The following TEX2 variants were observed in gnomAD, a reference collection of about 807,000 sequenced individuals.
TEX2 encodes the protein testis expressed 2.
A neutral mutation model predicts 106.9 loss-of-function variants in TEX2; 53 were observed. The ratio of observed to expected loss-of-function variants is 0.50; its 90% CI spans 0.40 to 0.62. The LOEUF (loss-of-function observed/expected upper bound fraction) is 0.62. Among genes scored for constraint, TEX2 ranks in the 20% least tolerant of loss-of-function variants. The pLI, the probability that TEX2 is intolerant of heterozygous loss-of-function variation, is 0.00. For missense variants in TEX2, 1,207 were observed against 1,379.0 expected (o/e 0.88, Z 1.98); for synonymous variants, 523 against 534.8 (o/e 0.98, Z 0.30).
In TEX2 at chr17:64,149,106, TAAAG is replaced by T. The variant is rs2030210574; in HGVS notation, c.3262-19_3262-16del. ...ACAAAAACTTTCTGTAGGAAGATAT[TAAAG>T]AACAGCTATGTGGAAGAATGCCTTG... is the stretch of plus-strand genomic sequence containing the variant. On this transcript the variant is annotated splice_polypyrimidine_tract_variant and intron_variant, in intron 11 of 11. Transcript: ENST00000584379. 1 of 1,613,276 alleles carries T rather than the reference TAAAG, an allele frequency of 6.2e-7. No homozygotes were observed. Among genetic ancestry groups the T allele is most frequent in the Non-Finnish European group, 8.5e-7 (1 of 1,179,446 alleles).
At chr17:64,183,058 A>G (rs1394497637) in intron 5 of TEX2, among the ~76,000 whole-genome samples, 1 of 151,998 alleles carries the variant, frequency 6.6e-6, no homozygotes, top group Non-Finnish European at 1.5e-5. Context: ...GGCGTGCACT[A>G]CTACGCCCGG....
At position 64,154,396 on chromosome 17, in the gene TEX2, T is replaced by A. The variant is rs186372042; in HGVS notation, c.2930+446A>T. Among the ~76,000 whole-genome samples, 297 of 152,326 alleles carry A rather than the reference T, an allele frequency of 1.9e-3. 2 individuals are homozygous for A. Among genetic ancestry groups the A allele is most frequent in the African/African-American group, 6.6e-3 (274 of 41,570 alleles). ...CAAATGAAGTTCATGATCCAAAAGATCAGCTCAGTCATCAGCGCTTTCAAA... is the reference window on the plus strand; with the variant it reads ...CAAATGAAGTTCATGATCCAAAAGAACAGCTCAGTCATCAGCGCTTTCAAA... On this transcript the variant is annotated intron_variant, in intron 9 of 11. Coordinates refer to ENST00000584379, the MANE Select transcript of TEX2 (RefSeq NM_001288732.2).
chr17:64,221,053 G>A (rs1181985714), intron 1 of TEX2, among the ~76,000 whole-genome samples: 2 of 152,156 alleles, frequency 1.3e-5, no homozygotes, highest in Admixed American at 6.5e-5. Flanking sequence ...CCTTTCCAGG[G>A]ACATGGATGG....
At chr17:64,256,018 AG>A (rs782200273) in intron 1 of TEX2, 4 of 152,362 alleles carry the variant, frequency 2.6e-5, no homozygotes, top group Middle Eastern at 3.1e-3. Flanking sequence ...AGATGCCTAC[AG>A]GTAGGGCCAA....
intron 1 of TEX2, among the ~76,000 whole-genome samples, chr17:64,234,193 C>G (rs2033718804): frequency 6.6e-6 from 1 of 152,218 alleles, no homozygotes. Flanking sequence ...ACCAGAAATA[C>G]AAGTACACAG....
intron 1 of TEX2, among the ~76,000 whole-genome samples, chr17:64,237,525 T>C (rs1431670747): frequency 6.6e-6 from 1 of 151,956 alleles, no homozygotes; most frequent in Admixed American, 6.5e-5. Flanking sequence ...GAAGGTCAGT[T>C]AGACAATAAC....
rs1008460699 is a variant in TEX2, at chr17:64,195,568, C to A, written c.1645-473G>T. Among the ~76,000 whole-genome samples the A allele has an allele frequency of 6.6e-6, 1 of 152,190 alleles. No individual in the cohort carries two copies. The highest frequency in any genetic ancestry group is 1.5e-5 in the Non-Finnish European group (1 of 68,038). ...CAGGACTCAGAGAACTACCTCTCCA[C>A]TTCTGTTGCACTACAATATGTACCT... On this transcript the variant is annotated intron_variant, in intron 2 of 11. Transcript: ENST00000584379. The surrounding 1 kb of genome is among the most constrained non-coding windows in gnomAD (Gnocchi z 4.1).
At chr17:64,208,643 G>C (rs782416420) in intron 2 of TEX2, among the ~76,000 whole-genome samples, 5 of 151,328 alleles carry the variant, frequency 3.3e-5, no homozygotes, top group Non-Finnish European at 1.5e-5. Flanking sequence ...TATTTTTTTA[G>C]AGACAGAGTC....
chr17:64,154,088 T>A (rs549298569), intron 9 of TEX2, among the ~76,000 whole-genome samples: 21 of 152,202 alleles, frequency 1.4e-4, no homozygotes, highest in Non-Finnish European at 2.9e-4. Flanking sequence ...TGAGGAAAAG[T>A]ATGTGTTCAG....
At chr17:64,216,072 C>G (rs1180209887) in intron 1 of TEX2, among the ~76,000 whole-genome samples, 3 of 152,154 alleles carry the variant, frequency 2.0e-5, no homozygotes, top group Non-Finnish European at 4.4e-5. Context: ...CAGTTCTGTC[C>G]AGGCTCATTT....
chr17:64,244,793 T>C (rs1004376214), intron 1 of TEX2, among the ~76,000 whole-genome samples: 5 of 152,214 alleles, frequency 3.3e-5, no homozygotes, highest in Non-Finnish European at 5.9e-5. Flanking sequence ...TCCTGTTCTC[T>C]AGTTGCTTTT....
At chr17:64,246,472 C>A (rs2143445625) in intron 1 of TEX2, among the ~76,000 whole-genome samples, 1 of 152,310 alleles carries the variant, frequency 6.6e-6, no homozygotes, top group South Asian at 2.1e-4. Context: ...GTATCAAACT[C>A]ATGACCTCGT....
At chr17:64,199,967 T>C (rs1489623418) in intron 2 of TEX2, among the ~76,000 whole-genome samples, 1 of 152,246 alleles carries the variant, frequency 6.6e-6, no homozygotes, top group Non-Finnish European at 1.5e-5. Context: ...CATGGCAGTT[T>C]TCTGCCATTT....
chr17:64,197,536 ATATATATG>A (rs781952943), intron 2 of TEX2, among the ~76,000 whole-genome samples: 1 of 152,068 alleles, frequency 6.6e-6, no homozygotes, highest in Non-Finnish European at 1.5e-5. Context: ...ATGTATGCAC[ATATATATG>A]TATATATGTA....
intron 1 of TEX2, among the ~76,000 whole-genome samples, chr17:64,230,138 T>C (rs1366865880): frequency 6.6e-6 from 1 of 152,160 alleles, no homozygotes; most frequent in Non-Finnish European, 1.5e-5. Context: ...CATGTGTATG[T>C]GCATGTATGT....
chr17:64,223,978 T>C (rs2033438068), intron 1 of TEX2, among the ~76,000 whole-genome samples: 1 of 152,074 alleles, frequency 6.6e-6, no homozygotes, highest in African/African-American at 2.4e-5. Flanking sequence ...TGGTGTCGAG[T>C]GTGCTTCCTT....
At chr17:64,220,903 T>TA (rs2033341080) in intron 1 of TEX2, among the ~76,000 whole-genome samples, 1 of 152,126 alleles carries the variant, frequency 6.6e-6, no homozygotes, top group Admixed American at 6.5e-5. Flanking sequence ...CATGCACACA[T>TA]ACGTTCACTG....
intron 5 of TEX2, among the ~76,000 whole-genome samples, chr17:64,180,459 C>T (rs536533679): frequency 1.3e-5 from 2 of 152,334 alleles, no homozygotes; most frequent in African/African-American, 4.8e-5. Flanking sequence ...TCCACAGACT[C>T]ATTGGGAACA....
At chr17:64,231,459 G>A (rs945376231) in intron 1 of TEX2, among the ~76,000 whole-genome samples, 1 of 152,180 alleles carries the variant, frequency 6.6e-6, no homozygotes. Context: ...CTGAATGCAG[G>A]CTGGCCCTTC....
Sources: allele counts gnomAD v4.1 joint callset (sites outside exome capture counted in the v4.1 genomes callset), GRCh38; gene constraint gnomAD v4.1.1; non-coding constraint Gnocchi (gnomAD v3.1); transcripts MANE v1.5; gene names NCBI Gene and HGNC (gene_info 2026-07-23, HGNC 2026-07-21).